OGT: variants seen among roughly 807,000 people sequenced by gnomAD.
OGT encodes the protein UDP-N-acetylglucosamine--peptide N-acetylglucosaminyltransferase 110 kDa subunit.
OGT carries 3 observed loss-of-function variants against 75.8 expected under a neutral mutation model. That is an observed-to-expected ratio of 0.04 (90% CI 0.02 to 0.10). The LOEUF is 0.10. Among genes scored for constraint, OGT ranks in the 10% least tolerant of loss-of-function variants. The pLI is 1.00. For synonymous variants in OGT, 257 were observed against 289.7 expected (o/e 0.89, Z 1.15); for missense variants, 260 against 824.4 (o/e 0.32, Z 8.38).
intron 4 of OGT, 69 bp downstream of exon 4, chrX:71,544,704 A>G: frequency 3.5e-6 from 3 of 846,663 alleles, no homozygotes; most frequent in Non-Finnish European, 5.2e-6. Context: ...CAAGTCTTCA[A>G]CTCTTCATTG....
Position 71,557,477 on chromosome X carries a change from T to C in OGT, c.1423-16T>C. On this transcript the variant is annotated splice_polypyrimidine_tract_variant and intron_variant, in intron 11 of 21. Transcript: ENST00000373719. The stretch of plus-strand genomic sequence containing the variant: ...ATAGGACTTTCTGGATAATAACTTG[T>C]TTTTGCTTTCTCTAGATTGTCTGTG... The C allele has an allele frequency of 1.7e-6, 2 of 1,197,825 alleles. No homozygotes were observed. The highest frequency in any genetic ancestry group is 2.5e-4 in the Middle Eastern group (1 of 4,010).
At chrX:71,538,612 T>C (rs1219645755) in intron 3 of OGT, among the ~76,000 whole-genome samples, 1 of 111,986 alleles carries the variant, frequency 8.9e-6, no homozygotes. Flanking sequence ...AGTTTAAAAA[T>C]TTTTTTTGTC....
At chrX:71,540,713 C>G (rs1285149320) in intron 3 of OGT, among the ~76,000 whole-genome samples, 1 of 106,167 alleles carries the variant, frequency 9.4e-6, no homozygotes, top group African/African-American at 3.5e-5. Flanking sequence ...GCCCTTGTCA[C>G]CCAGGCTGGA....
chrX:71,561,927 T>C (rs775081909), intron 15 of OGT, 27 bp downstream of exon 15: 1 of 1,161,986 alleles, frequency 8.6e-7, no homozygotes, highest in Non-Finnish European at 1.2e-6. Flanking sequence ...TCATCACTTA[T>C]AACATGTATT....
chrX:71,571,074 T>C (rs1490613898), intron 21 of OGT, among the ~76,000 whole-genome samples: 1 of 109,814 alleles, frequency 9.1e-6, no homozygotes, highest in Non-Finnish European at 1.9e-5. Flanking sequence ...GTGGCGGGAT[T>C]ACAGGCGCGT....
chrX:71,565,261 CTGT>C (rs1395392636), intron 19 of OGT, among the ~76,000 whole-genome samples: 1 of 112,002 alleles, frequency 8.9e-6, no homozygotes, highest in African/African-American at 3.2e-5. Flanking sequence ...GAATCTCACT[CTGT>C]TGTTCGGGCT....
chrX:71,565,705 T>C (rs966671288), intron 19 of OGT, among the ~76,000 whole-genome samples: 11 of 112,624 alleles, frequency 9.8e-5, no homozygotes, highest in African/African-American at 3.2e-4. Context: ...TTTTCAGTTT[T>C]GTGGTCCATG....
Position 71,573,626 on chromosome X carries a change from G to A in OGT, c.2973G>A (p.Lys991=). Residue 991 remains lysine, a synonymous_variant, in exon 22 of 22, where the codon AAG becomes AAA. Transcript: ENST00000373719. ...CTTGTTTTTTATTACCCAGCCTGAA[G>A]AAAGTTCGTGGCAAAGTCTGGAAGC... is the stretch of plus-strand genomic sequence containing the variant. ...VKLGTDLEYL[K]KVRGKVWKQR... 8.4e-7 allele frequency: 1 copy of A among 1,190,904 alleles called. No individual in the cohort carries two copies. The highest frequency in any genetic ancestry group is 2.4e-5 in the Admixed American group (1 of 41,864).
chrX:71,545,891 A>T (rs1321651575), intron 4 of OGT: 1 of 112,976 alleles, frequency 8.9e-6, no homozygotes, highest in East Asian at 2.8e-4. Context: ...AGCTTTAGAG[A>T]TCGGTTTAGG....
intron 5 of OGT, among the ~76,000 whole-genome samples, chrX:71,553,800 C>T (rs1337158327): frequency 8.9e-6 from 1 of 111,933 alleles, no homozygotes; most frequent in Admixed American, 9.5e-5. Context: ...TTGAAGTTTG[C>T]ATTTACCATG....
At chrX:71,560,137 G>A (rs993230416) in intron 14 of OGT, among the ~76,000 whole-genome samples, 1 of 109,072 alleles carries the variant, frequency 9.2e-6, no homozygotes, top group Admixed American at 9.9e-5. Flanking sequence ...AAATTAGCTG[G>A]GTGTGGTGGT....
At chrX:71,552,353 G>A (rs1333685175) in intron 5 of OGT, among the ~76,000 whole-genome samples, 1 of 110,060 alleles carries the variant, frequency 9.1e-6, no homozygotes, top group African/African-American at 3.3e-5. Context: ...TTTGGATCCT[G>A]ACTCAGTTAA....
intron 5 of OGT, among the ~76,000 whole-genome samples, chrX:71,551,026 A>G (rs1487773724): frequency 1.8e-5 from 2 of 111,609 alleles, no homozygotes; most frequent in Non-Finnish European, 3.8e-5. Flanking sequence ...TCAAAATTGC[A>G]AAAAGAATAG....
chrX:71,538,080 A>G lies in OGT; in HGVS notation c.462+8A>G, dbSNP rs760907200. 1.0e-5 allele frequency: 12 copies of G among 1,203,174 alleles called. No homozygotes were observed. The South Asian group carries it at 1.9e-4, about 20-fold the overall frequency. ...GCTCTTCAGTACAATCCTGTGAGTA[A>G]AATTTTAATGGTTACTTTCCCTTCC... On this transcript the variant is annotated splice_region_variant and intron_variant, in intron 3 of 21. Coordinates refer to ENST00000373719, the MANE Select transcript of OGT (RefSeq NM_181672.3).
At position 71,555,405 on chromosome X, in the gene OGT, C is replaced by A. The variant is rs1272793265; in HGVS notation, c.924+20C>A. Reference sequence around the variant, plus strand: ...GGCAGTGTAAGGATTTTTACTCATTCTATTTGTTATCTGGTAGGATTAAGA... The same window carrying A: ...GGCAGTGTAAGGATTTTTACTCATTATATTTGTTATCTGGTAGGATTAAGA... On this transcript the variant is annotated intron_variant, in intron 7 of 21. Coordinates refer to ENST00000373719, the MANE Select transcript of OGT (RefSeq NM_181672.3). 8.5e-7 allele frequency: 1 copy of A among 1,178,484 alleles called. No homozygotes were observed. Among genetic ancestry groups the A allele is most frequent in the Non-Finnish European group, 1.1e-6 (1 of 870,238 alleles).
chrX:71,534,369 AT>A (rs1242168972), intron 1 of OGT: 1 of 110,999 alleles, frequency 9.0e-6, no homozygotes, highest in Non-Finnish European at 1.9e-5. Context: ...AGTCGCGAGC[AT>A]TTGGTACTGA....
intron 18 of OGT, among the ~76,000 whole-genome samples, chrX:71,564,200 A>T (rs2040402300): frequency 8.9e-6 from 1 of 112,378 alleles, no homozygotes; most frequent in African/African-American, 3.2e-5. Context: ...GAATTACAAG[A>T]TGAAACTAAT....
intron 20 of OGT, 111 bp from the exon 21 acceptor site, chrX:71,567,882 G>A (rs1410759211): frequency 9.5e-7 from 1 of 1,057,054 alleles, no homozygotes. Context: ...AGTGAGACTT[G>A]TTCTCACTTC....
At chrX:71,548,557 A>G (rs1442686672) in intron 5 of OGT, among the ~76,000 whole-genome samples, 1 of 112,674 alleles carries the variant, frequency 8.9e-6, no homozygotes, top group Non-Finnish European at 1.9e-5. Flanking sequence ...GAAAATGTAC[A>G]TATATGCCAT....
Sources: allele counts gnomAD v4.1 joint callset (sites outside exome capture counted in the v4.1 genomes callset), GRCh38; gene constraint gnomAD v4.1.1; transcripts MANE v1.5; gene names NCBI Gene and HGNC (gene_info 2026-07-23, HGNC 2026-07-21).